The following KLHL29 variants were observed in gnomAD, a reference collection of about 807,000 sequenced individuals.
KLHL29 encodes kelch like family member 29.
In KLHL29, 21 loss-of-function variants were observed where a neutral mutation model predicts 80.4. The observed-to-expected ratio is 0.26, with a 90% CI of 0.19 to 0.38. The LOEUF is 0.38. Ranked by LOEUF, KLHL29 falls within the 10% of genes least tolerant of loss-of-function variation. KLHL29 has a pLI of 1.00. For missense variants in KLHL29, 867 were observed against 1,223.9 expected, an observed-to-expected ratio of 0.71 and a Z score of 4.35; for synonymous variants, 511 against 526.8, an observed-to-expected ratio of 0.97 and a Z score of 0.41.
At chr2:23,530,662 GC>G (rs1452732228) in intron 2 of KLHL29, among the ~76,000 whole-genome samples, 1 of 152,178 alleles carries the variant, frequency 6.6e-6, no homozygotes, top group African/African-American at 2.4e-5. Flanking sequence ...CAAGTTGGAA[GC>G]CAGCAAGCCC....
intron 2 of KLHL29, among the ~76,000 whole-genome samples, chr2:23,495,178 G>A (rs1410203890): frequency 6.6e-6 from 1 of 152,152 alleles, no homozygotes; most frequent in Non-Finnish European, 1.5e-5. Context: ...GTGCATCACT[G>A]TACCTGGCTG....
chr2:23,450,993 A>G (rs960651279), intron 1 of KLHL29, among the ~76,000 whole-genome samples: 9 of 152,330 alleles, frequency 5.9e-5, no homozygotes, highest in African/African-American at 1.4e-4. Context: ...TTCTATGTCT[A>G]TAGCTTTCCC....
chr2:23,386,015 C>A (rs1220361803), intron 1 of KLHL29, among the ~76,000 whole-genome samples: 17 of 152,106 alleles, frequency 1.1e-4, no homozygotes, highest in Admixed American at 1.0e-3. Flanking sequence ...GGGGAAAAAA[C>A]TTCCTGCCCC....
chr2:23,539,265 G>A (rs1666764883), intron 2 of KLHL29, among the ~76,000 whole-genome samples: 1 of 152,100 alleles, frequency 6.6e-6, no homozygotes, highest in Non-Finnish European at 1.5e-5. Flanking sequence ...GCAGTGTACT[G>A]CAGAATATTT....
At chr2:23,576,025 C>T (rs1667833789) in intron 3 of KLHL29, among the ~76,000 whole-genome samples, 1 of 152,206 alleles carries the variant, frequency 6.6e-6, no homozygotes, top group Non-Finnish European at 1.5e-5. Context: ...CTGAGGGGGG[C>T]CGCGCCCAGT....
chr2:23,608,803 A>T (rs562391009), intron 3 of KLHL29, among the ~76,000 whole-genome samples: 1 of 152,340 alleles, frequency 6.6e-6, no homozygotes, highest in East Asian at 1.9e-4. Flanking sequence ...ATTCTAAATC[A>T]CACAATTGTT....
At chr2:23,394,694 A>C (rs927682939) in intron 1 of KLHL29, among the ~76,000 whole-genome samples, 1 of 152,270 alleles carries the variant, frequency 6.6e-6, no homozygotes, top group Admixed American at 6.5e-5. Context: ...CAGTTGACAT[A>C]GTAAGTTGAG....
At position 23,696,601 on chromosome 2, in the gene KLHL29, T is replaced by C. The variant is rs905515227; in HGVS notation, c.2105+88T>C. The C allele has an allele frequency of 4.1e-5, 44 of 1,061,028 alleles. No homozygotes were observed. In the South Asian group the frequency reaches 7.1e-4, roughly 17 times the overall value. The allele number at this position is 1,061,028 out of a possible 1,614,324, so 65.7% of individuals were successfully genotyped here. On this transcript the variant is annotated intron_variant, in intron 11 of 13. Coordinates refer to ENST00000486442, the MANE Select transcript of KLHL29 (RefSeq NM_052920.2). This position sits in a 1 kb window ranked among gnomAD's most constrained non-coding sequence, Gnocchi z 5.5. The stretch of plus-strand genomic sequence containing the variant: ...ACTCACTGTACCTCCCAACACCCAC[T>C]CAGTGGCGATGGAGCAGAGCCTGGA...
At chr2:23,547,359 T>C (rs1667004153) in intron 2 of KLHL29, among the ~76,000 whole-genome samples, 1 of 152,154 alleles carries the variant, frequency 6.6e-6, no homozygotes, top group Admixed American at 6.5e-5. Context: ...GATGAAAGAT[T>C]GGACTGGGCT....
intron 3 of KLHL29, among the ~76,000 whole-genome samples, chr2:23,593,189 G>C (rs73919773): frequency 6.6e-6 from 1 of 152,184 alleles, no homozygotes; most frequent in African/African-American, 2.4e-5. Context: ...TGTCACCAGC[G>C]TGCCTCCTCT....
At chr2:23,628,730 G>A (rs1404016832) in intron 3 of KLHL29, among the ~76,000 whole-genome samples, 1 of 152,202 alleles carries the variant, frequency 6.6e-6, no homozygotes, top group Non-Finnish European at 1.5e-5. Context: ...GTTCAGTAAG[G>A]GAGTCCACCT....
At chr2:23,628,465 C>T (rs982224856) in intron 3 of KLHL29, among the ~76,000 whole-genome samples, 26 of 152,148 alleles carry the variant, frequency 1.7e-4, no homozygotes, top group African/African-American at 5.6e-4. Context: ...GGAGTCATCT[C>T]CATGCAGGCC....
chr2:23,455,424 T>G (rs914868977), intron 1 of KLHL29, among the ~76,000 whole-genome samples: 10 of 152,300 alleles, frequency 6.6e-5, no homozygotes, highest in African/African-American at 2.4e-4. Context: ...ATTGGTTTGG[T>G]CTGTTGTTAG....
intron 2 of KLHL29, among the ~76,000 whole-genome samples, chr2:23,510,139 T>G (rs1665724869): frequency 6.6e-6 from 1 of 152,078 alleles, no homozygotes; most frequent in African/African-American, 2.4e-5. Context: ...GACCCTTTAT[T>G]CAGTGTGAGG....
chr2:23,563,446 C>G (rs980404790), intron 3 of KLHL29, among the ~76,000 whole-genome samples: 1 of 152,228 alleles, frequency 6.6e-6, no homozygotes, highest in African/African-American at 2.4e-5. Flanking sequence ...CAGGAGCCCC[C>G]TTGGGGCAGT....
chr2:23,589,166 G>C (rs1013800216), intron 3 of KLHL29, among the ~76,000 whole-genome samples: 2 of 152,264 alleles, frequency 1.3e-5, no homozygotes, highest in African/African-American at 4.8e-5. Flanking sequence ...GCAGAAATGA[G>C]CCAGGCGGCC....
Position 23,707,462 on chromosome 2 carries a change from C to G in KLHL29, c.*798C>G, listed in dbSNP as rs992392440. 16 of 152,310 alleles carry G rather than the reference C, an allele frequency of 1.1e-4. No individual in the cohort carries two copies. The highest frequency in any genetic ancestry group is 3.8e-4 in the African/African-American group (16 of 41,562). The allele number at this position is 152,310 out of a possible 1,614,324, so 9.4% of individuals were successfully genotyped here. ...TAATGTTGTGGGAATTCCCAAAGCT[C>G]TTTGTAGGTAGTGCCAGAGGGGGGC... On this transcript the variant is annotated 3_prime_UTR_variant, in exon 14 of 14. Transcript: ENST00000486442.
intron 5 of KLHL29, among the ~76,000 whole-genome samples, chr2:23,677,656 G>T (rs4665237): frequency 0.41 from 61,744 of 151,776 alleles, 14,778 homozygotes; most frequent in East Asian, 0.76. Context: ...TGATCAGACC[G>T]GGGAGGGAGG....
chr2:23,541,823 T>C (rs1400166776), intron 2 of KLHL29, among the ~76,000 whole-genome samples: 2 of 149,982 alleles, frequency 1.3e-5, no homozygotes, highest in African/African-American at 5.0e-5. Context: ...GCAGCAGGGC[T>C]GGTGCCTTCT....
Sources: allele counts gnomAD v4.1 joint callset (sites outside exome capture counted in the v4.1 genomes callset), GRCh38; gene constraint gnomAD v4.1.1; non-coding constraint Gnocchi (gnomAD v3.1); transcripts MANE v1.5; gene names NCBI Gene and HGNC (gene_info 2026-07-23, HGNC 2026-07-21).